Variants in CSNK1G1 observed in about 807,000 individuals in gnomAD.
CSNK1G1 encodes the protein casein kinase I isoform gamma-1.
Under a neutral mutation model 59.6 loss-of-function variants are expected in CSNK1G1, and 22 were observed. The observed-to-expected ratio is 0.37, with a 90% CI of 0.26 to 0.53. The LOEUF (loss-of-function observed/expected upper bound fraction) is 0.53. CSNK1G1 is among the 20% of genes least tolerant of loss of function. The pLI is 0.89. For missense variants in CSNK1G1, 384 were observed against 519.5 expected, an observed-to-expected ratio of 0.74 and a Z score of 2.54; for synonymous variants, 179 against 177.1, an observed-to-expected ratio of 1.01 and a Z score of -0.08.
chr15:64,239,328 A>G (rs1416267830), intron 4 of CSNK1G1, among the ~76,000 whole-genome samples: 1 of 151,994 alleles, frequency 6.6e-6, no homozygotes. Flanking sequence ...TGGAAAAGGA[A>G]CTCCAAATAA....
rs528381192 is a variant in CSNK1G1 at position 64,286,471 on chromosome 15, A to G, written c.181+13848T>C. 7.3e-5 allele frequency among the ~76,000 whole-genome samples: 11 copies of G among 151,382 alleles called. No individual in the cohort carries two copies. In the South Asian group the frequency reaches 2.1e-3, roughly 29 times the overall value. ...CCAAACTACCTGGAATAGTCCTTTA[A>G]TCAAAAAACACTTAGAATTATAAAT... On this transcript the variant is annotated intron_variant, in intron 2 of 11. Transcript: ENST00000303052.
chr15:64,224,706 G>C (rs893557653), intron 4 of CSNK1G1, among the ~76,000 whole-genome samples: 2 of 152,128 alleles, frequency 1.3e-5, no homozygotes, highest in Non-Finnish European at 1.5e-5. Context: ...CAATCATCTT[G>C]TTTAAAGGCC....
chr15:64,323,710 A>T (rs1455667143), intron 1 of CSNK1G1, among the ~76,000 whole-genome samples: 1 of 152,130 alleles, frequency 6.6e-6, no homozygotes, highest in East Asian at 1.9e-4. Flanking sequence ...CACCCATCCA[A>T]TTAAAATCTT....
At chr15:64,192,840 T>C (rs1431888934) in intron 10 of CSNK1G1, among the ~76,000 whole-genome samples, 2 of 32,224 alleles carry the variant, frequency 6.2e-5, no homozygotes, top group Non-Finnish European at 1.1e-4. Context: ...GAGATCTGCC[T>C]AAAAAAAAAA....
At chr15:64,308,864 T>G (rs920569632) in intron 1 of CSNK1G1, among the ~76,000 whole-genome samples, 7 of 149,782 alleles carry the variant, frequency 4.7e-5, no homozygotes, top group African/African-American at 1.7e-4. Flanking sequence ...GCCACTGCAC[T>G]CCAGCCTGGG....
chr15:64,264,681 A>C (rs918736788), intron 2 of CSNK1G1, among the ~76,000 whole-genome samples: 2 of 152,234 alleles, frequency 1.3e-5, no homozygotes, highest in African/African-American at 4.8e-5. Context: ...CCATGATCAC[A>C]TGGGATGTAT....
At chr15:64,352,729 G>A (rs1446621936) in intron 1 of CSNK1G1, among the ~76,000 whole-genome samples, 1 of 151,324 alleles carries the variant, frequency 6.6e-6, no homozygotes, top group African/African-American at 2.4e-5. Flanking sequence ...ACAGGCATGA[G>A]CCACCATGCC....
chr15:64,241,309 T>C (rs1290433683), intron 4 of CSNK1G1, among the ~76,000 whole-genome samples: 1 of 152,144 alleles, frequency 6.6e-6, no homozygotes, highest in African/African-American at 2.4e-5. Context: ...CAATAGGATA[T>C]AACCAATTGT....
chr15:64,245,182 T>C (rs755638838), intron 4 of CSNK1G1, among the ~76,000 whole-genome samples: 5 of 152,068 alleles, frequency 3.3e-5, no homozygotes, highest in Admixed American at 6.6e-5. Flanking sequence ...CTTCATGACA[T>C]TGGTCTGGGC....
chr15:64,335,296 A>T (rs545698134), intron 1 of CSNK1G1, among the ~76,000 whole-genome samples: 1 of 152,344 alleles, frequency 6.6e-6, no homozygotes, highest in Non-Finnish European at 1.5e-5. Flanking sequence ...AGGAAAATAA[A>T]TAATAAAACA....
intron 1 of CSNK1G1, among the ~76,000 whole-genome samples, chr15:64,349,965 G>A (rs1324160200): frequency 6.6e-6 from 1 of 150,460 alleles, no homozygotes; most frequent in Non-Finnish European, 1.5e-5. Context: ...AATGAAAAGT[G>A]CCAACTATGT....
intron 10 of CSNK1G1, among the ~76,000 whole-genome samples, chr15:64,201,271 CAAAAAAA>C (rs545719275): frequency 9.2e-5 from 6 of 65,030 alleles, no homozygotes; most frequent in South Asian, 1.0e-3. Context: ...GACACTGTCT[CAAAAAAA>C]AAAAAAAAAA....
rs1309744398 is a variant in CSNK1G1, at chr15:64,188,254, G to T, written c.1108-7800C>A. On this transcript the variant is annotated intron_variant, in intron 10 of 11. Transcript: ENST00000303052. The surrounding 1 kb of genome is among the most constrained non-coding windows in gnomAD (Gnocchi z 4.2). Reference sequence around the variant, plus strand: ...TCCACCTAGACAGAAAATCTACAGAGATATTCAATTAGCCCTTCCTGTAAG... The same window carrying T: ...TCCACCTAGACAGAAAATCTACAGATATATTCAATTAGCCCTTCCTGTAAG... 7.7e-6 allele frequency: 5 copies of T among 648,770 alleles called. No homozygotes were observed. The East Asian group carries it at 1.4e-4, about 18-fold the overall frequency. 40.2% of individuals were successfully genotyped at this position (648,770 alleles called of 1,614,324 possible).
At chr15:64,303,624 T>A (rs944972564) in intron 1 of CSNK1G1, among the ~76,000 whole-genome samples, 1 of 151,864 alleles carries the variant, frequency 6.6e-6, no homozygotes, top group Non-Finnish European at 1.5e-5. Flanking sequence ...TGGTTGTGCA[T>A]GCCTGTAATC....
intron 4 of CSNK1G1, among the ~76,000 whole-genome samples, chr15:64,249,905 A>T (rs1218733047): frequency 6.6e-6 from 1 of 152,170 alleles, no homozygotes. Context: ...GATCTATTTG[A>T]AAGGGCTTAC....
intron 1 of CSNK1G1, among the ~76,000 whole-genome samples, chr15:64,316,058 G>A (rs796267430): frequency 6.6e-6 from 1 of 152,174 alleles, no homozygotes; most frequent in African/African-American, 2.4e-5. Context: ...ATAGGGTCTC[G>A]CTCTGTCAGC....
chr15:64,355,383 C>A (rs1898591915), intron 1 of CSNK1G1, among the ~76,000 whole-genome samples: 1 of 152,200 alleles, frequency 6.6e-6, no homozygotes, highest in Non-Finnish European at 1.5e-5. Flanking sequence ...CATTGTGATG[C>A]CTGCCCACTT....
chr15:64,263,661 G>GT (rs1280856962), intron 2 of CSNK1G1, among the ~76,000 whole-genome samples: 1 of 151,632 alleles, frequency 6.6e-6, no homozygotes, highest in Admixed American at 6.6e-5. Flanking sequence ...AGCATTAACC[G>GT]GCCTGCCCCT....
rs1158710034 is a variant in CSNK1G1, at chr15:64,170,796, T to C, written c.*1135A>G. On this transcript the variant is annotated 3_prime_UTR_variant, in exon 12 of 12. Coordinates refer to ENST00000303052, the MANE Select transcript of CSNK1G1 (RefSeq NM_022048.5). ...TTTTTTTTTGTTAAGCATCTCCTTC[T>C]CTGGGATGAGCTGTTTCCTGGTCAC... The C allele has an allele frequency of 6.6e-6, 1 of 152,636 alleles. No individual in the cohort carries two copies. The highest frequency in any genetic ancestry group is 1.5e-5 in the Non-Finnish European group (1 of 68,038). The allele number at this position is 152,636 out of a possible 1,614,324, so 9.5% of individuals were successfully genotyped here. A position where few individuals can be genotyped will look rare whatever the true frequency, so the allele number is the denominator to read the frequency against.
Sources: allele counts gnomAD v4.1 joint callset (sites outside exome capture counted in the v4.1 genomes callset), GRCh38; gene constraint gnomAD v4.1.1; non-coding constraint Gnocchi (gnomAD v3.1); transcripts MANE v1.5; gene names NCBI Gene and HGNC (gene_info 2026-07-23, HGNC 2026-07-21).